HSPA12A: variants seen among roughly 807,000 people sequenced by gnomAD.
The protein encoded by HSPA12A is heat shock protein family A (Hsp70) member 12A.
HSPA12A carries 28 observed loss-of-function variants against 69.2 expected under a neutral mutation model. That is an observed-to-expected ratio of 0.40 (90% confidence interval 0.30 to 0.55). HSPA12A has a LOEUF of 0.55. HSPA12A is among the 20% of genes least tolerant of loss of function. HSPA12A has a pLI of 0.38. For missense variants in HSPA12A, 686 were observed against 900.7 expected (o/e 0.76, Z 3.05); for synonymous variants, 345 against 370.5 (o/e 0.93, Z 0.79).
chr10:116,744,321 C>G (rs1554887636), upstream of HSPA12A, among the ~76,000 whole-genome samples: 2 of 152,266 alleles, frequency 1.3e-5, no homozygotes, highest in African/African-American at 4.8e-5. Context: ...CAGGAAGGCT[C>G]CCCTGCATAC....
upstream of HSPA12A, among the ~76,000 whole-genome samples, chr10:116,744,682 C>T (rs1486390516): frequency 2.6e-5 from 4 of 152,252 alleles, no homozygotes; most frequent in African/African-American, 9.6e-5. Flanking sequence ...AATTACAACG[C>T]GCCCTGCTGA....
At chr10:116,793,335 C>G (rs530215485) in intron 2 of HSPA12A, among the ~76,000 whole-genome samples, 37 of 152,294 alleles carry the variant, frequency 2.4e-4, no homozygotes, top group Non-Finnish European at 4.6e-4. Context: ...TGTTGGGAGG[C>G]TGAGGCAGGT....
chr10:116,709,776 G>C (rs1358090123), intron 1 of HSPA12A, among the ~76,000 whole-genome samples: 2 of 152,252 alleles, frequency 1.3e-5, no homozygotes, highest in South Asian at 4.1e-4. Flanking sequence ...ATAGATAGTG[G>C]TGATGGTTGC....
At chr10:116,740,659 T>G (rs1851463995) in intron 1 of HSPA12A, among the ~76,000 whole-genome samples, 1 of 30,810 alleles carries the variant, frequency 3.2e-5, no homozygotes, top group Non-Finnish European at 6.7e-5. Context: ...TGTGTGTGTG[T>G]GTGTGTGTGT....
At chr10:116,685,974 C>T (rs1001603785) in intron 6 of HSPA12A, among the ~76,000 whole-genome samples, 4 of 152,192 alleles carry the variant, frequency 2.6e-5, no homozygotes, top group South Asian at 2.1e-4. Context: ...GCCAACCACC[C>T]GGGCAGCATC....
chr10:116,758,772 G>A (rs1843904583), intron 2 of HSPA12A, among the ~76,000 whole-genome samples: 1 of 152,158 alleles, frequency 6.6e-6, no homozygotes, highest in Non-Finnish European at 1.5e-5. Context: ...GCTTGCTCAA[G>A]TTTTTTGAAG....
At chr10:116,849,885 AAGGAGCGGGAAGGACACCC>A (rs1250422611), upstream of HSPA12A, 3 of 858,518 alleles carry the variant, frequency 3.5e-6, no homozygotes, top group Non-Finnish European at 3.8e-6. Context: ...TTCTGGAGGG[AAGGAGCGGGAAGGACACCC>A]AGGGGTGAAG....
chr10:116,769,065 C>T (rs1211457892), intron 2 of HSPA12A, among the ~76,000 whole-genome samples: 40 of 152,202 alleles, frequency 2.6e-4, no homozygotes, highest in African/African-American at 9.2e-4. Context: ...ACATCCAGCA[C>T]AGCACAGTGA....
At chr10:116,783,088 A>T (rs1024918692) in intron 2 of HSPA12A, among the ~76,000 whole-genome samples, 1 of 152,230 alleles carries the variant, frequency 6.6e-6, no homozygotes, top group East Asian at 1.9e-4. Flanking sequence ...TGTGTTAAAC[A>T]GATACCAATC....
At chr10:116,743,033 C>G (rs1377552470), upstream of HSPA12A, among the ~76,000 whole-genome samples, 1 of 152,022 alleles carries the variant, frequency 6.6e-6, no homozygotes. Flanking sequence ...GGCCCTGGGC[C>G]GGCGCAAAGG....
intron 1 of HSPA12A, among the ~76,000 whole-genome samples, chr10:116,718,814 T>C (rs1298833487): frequency 6.6e-6 from 1 of 151,654 alleles, no homozygotes. Flanking sequence ...CTGGGTAAGG[T>C]ACTAAGTTTC....
At chr10:116,783,323 C>A (rs1844504826) in intron 2 of HSPA12A, among the ~76,000 whole-genome samples, 1 of 152,192 alleles carries the variant, frequency 6.6e-6, no homozygotes, top group African/African-American at 2.4e-5. Flanking sequence ...GCCTGGATGG[C>A]AGAAGGTGGC....
rs782656724 is a variant in HSPA12A at position 116,698,720 on chromosome 10, T to C, written c.461A>G (p.Asp154Gly). ...HTTGDLTMDTDLTAANGKKVK... is the reference protein window; with the variant it reads ...HTTGDLTMDTGLTAANGKKVK... Reference sequence around the variant, plus strand: ...TTTCTTGCCATTTGCTGCCGTCAGGTCTGTATCCATGGTGAGGTCCTGGTA... The same window carrying C: ...TTTCTTGCCATTTGCTGCCGTCAGGCCTGTATCCATGGTGAGGTCCTGGTA... The change falls in exon 5 of 12, where the codon GAC (aspartate) becomes GGC (glycine). Residue 154 changes from aspartate (D) to glycine (G), a missense_variant. Coordinates refer to ENST00000369209, the MANE Select transcript of HSPA12A (RefSeq NM_025015.3). 4 of 1,613,954 alleles carry C rather than the reference T, an allele frequency of 2.5e-6. No homozygotes were observed. The East Asian group carries it at 6.7e-5, about 27-fold the overall frequency.
At chr10:116,711,808 C>A (rs1029108426) in intron 1 of HSPA12A, among the ~76,000 whole-genome samples, 13 of 151,520 alleles carry the variant, frequency 8.6e-5, no homozygotes, top group African/African-American at 3.1e-4. Context: ...GGACTACAGG[C>A]GCCTGCCAAC....
chr10:116,740,516 A>C (rs1360948180), intron 1 of HSPA12A, among the ~76,000 whole-genome samples: 2 of 152,176 alleles, frequency 1.3e-5, no homozygotes, highest in Non-Finnish European at 2.9e-5. Flanking sequence ...GGCCACCTTG[A>C]GCTGGAGATG....
At chr10:116,742,582 G>C (rs1270393804), upstream of HSPA12A, 18 of 1,132,792 alleles carry the variant, frequency 1.6e-5, no homozygotes, top group South Asian at 4.3e-5. Flanking sequence ...GCCGGGCAGC[G>C]GGAGCGCTGC....
intron 1 of HSPA12A, among the ~76,000 whole-genome samples, chr10:116,711,413 G>A (rs1850422750): frequency 6.6e-6 from 1 of 152,178 alleles, no homozygotes; most frequent in African/African-American, 2.4e-5. Context: ...ACCCTTCTGT[G>A]GAGGTAGAGA....
intron 2 of HSPA12A, chr10:116,829,699 T>G (rs749301725): frequency 4.6e-5 from 7 of 152,218 alleles, no homozygotes; most frequent in Admixed American, 6.5e-5. Context: ...GTAAAATAAA[T>G]GTGACTCACT....
At chr10:116,850,342 G>A (rs374754873), upstream of HSPA12A, 3 of 156,822 alleles carry the variant, frequency 1.9e-5, no homozygotes, top group African/African-American at 7.2e-5. Flanking sequence ...GTGTATTGTA[G>A]TCTCTTGAGG....
Sources: allele counts gnomAD v4.1 joint callset (sites outside exome capture counted in the v4.1 genomes callset), GRCh38; gene constraint gnomAD v4.1.1; transcripts MANE v1.5; gene names NCBI Gene and HGNC (gene_info 2026-07-23, HGNC 2026-07-21).